The following SLCO2B1 variants were observed in gnomAD, a reference collection of about 807,000 sequenced individuals.
SLCO2B1 encodes the protein solute carrier organic anion transporter family member 2B1, also known as OATP-RP2.
In SLCO2B1, 41 loss-of-function variants were observed where a neutral mutation model predicts 67.3. The observed-to-expected ratio is 0.61, with a 90% CI of 0.47 to 0.79. The LOEUF (loss-of-function observed/expected upper bound fraction) is 0.79. Ranked by LOEUF, SLCO2B1 falls within the 30% of genes least tolerant of loss-of-function variation. SLCO2B1 has a pLI of 0.00. For missense variants in SLCO2B1, 837 were observed against 920.1 expected (o/e 0.91, Z 1.17); for synonymous variants, 379 against 381.4 (o/e 0.99, Z 0.07).
chr11:75,190,184 G>A (rs1006854546), intron 8 of SLCO2B1, among the ~76,000 whole-genome samples: 2 of 152,204 alleles, frequency 1.3e-5, no homozygotes, highest in Non-Finnish European at 2.9e-5. Context: ...CTTCTGCCCG[G>A]AGGGAAGCTT....
At chr11:75,201,543 A>G (rs1299715665) in intron 11 of SLCO2B1, 1 of 152,130 alleles carries the variant, frequency 6.6e-6, no homozygotes, top group Non-Finnish European at 1.5e-5. Flanking sequence ...TCCACTTCCC[A>G]TGCCAACCAC....
At chr11:75,168,868 G>T (rs1037034872) in intron 4 of SLCO2B1, among the ~76,000 whole-genome samples, 1 of 152,166 alleles carries the variant, frequency 6.6e-6, no homozygotes, top group East Asian at 1.9e-4. Flanking sequence ...CCACCCAGGG[G>T]CCACCGTTGC....
In SLCO2B1 at chr11:75,172,490, C is replaced by G; in HGVS notation, c.893C>G (p.Pro298Arg). Residue 298 changes from proline (P) to arginine (R), a missense_variant, in exon 7 of 14, where the codon CCC becomes CGC. Physicochemically the swap from Pro to Arg is moderately radical, Grantham distance 103. Coordinates refer to ENST00000289575, the MANE Select transcript of SLCO2B1 (RefSeq NM_007256.5). ...ALAAIPYFFF[P>R]KEMPKEKREL... ...GCTGCCATCCCCTACTTCTTCTTCC[C>G]CAAGGAAATGCCCAAGGAAAAACGT... The G allele has an allele frequency of 6.2e-7, 1 of 1,614,160 alleles. No individual in the cohort carries two copies. Among genetic ancestry groups the G allele is most frequent in the Non-Finnish European group, 8.5e-7 (1 of 1,180,020 alleles).
At chr11:75,164,196 TC>T in intron 3 of SLCO2B1, 96 bp downstream of exon 3, 1 of 1,349,018 alleles carries the variant, frequency 7.4e-7, no homozygotes, top group Non-Finnish European at 1.0e-6. Flanking sequence ...CTTAAGGCCT[TC>T]CCCTCCCAGT....
chr11:75,197,999 A>T (rs1945126226), intron 10 of SLCO2B1, among the ~76,000 whole-genome samples: 1 of 152,144 alleles, frequency 6.6e-6, no homozygotes, highest in Non-Finnish European at 1.5e-5. Flanking sequence ...GGTGGTTATG[A>T]CAACATCTCC....
chr11:75,169,521 C>A, intron 5 of SLCO2B1, 115 bp downstream of exon 5: 1 of 1,207,220 alleles, frequency 8.3e-7, no homozygotes, highest in Non-Finnish European at 1.2e-6. Context: ...CCCATCTGGC[C>A]AGTAAAGGTC....
At chr11:75,170,828 C>T (rs1222228620) in intron 6 of SLCO2B1, among the ~76,000 whole-genome samples, 1 of 152,138 alleles carries the variant, frequency 6.6e-6, no homozygotes, top group African/African-American at 2.4e-5. Context: ...CCTAGATTTC[C>T]CTGACACACC....
chr11:75,186,967 A>G (rs1944945757), intron 7 of SLCO2B1, among the ~76,000 whole-genome samples: 1 of 152,184 alleles, frequency 6.6e-6, no homozygotes, highest in Non-Finnish European at 1.5e-5. Flanking sequence ...TCCTAGCTGG[A>G]CCACTTATTA....
chr11:75,191,935 G>C (rs1472817045), intron 8 of SLCO2B1, among the ~76,000 whole-genome samples: 1 of 152,222 alleles, frequency 6.6e-6, no homozygotes, highest in East Asian at 1.9e-4. Flanking sequence ...TGGTTTAGCA[G>C]ACTTGCAGTG....
chr11:75,153,234 C>T (rs998959996), intron 1 of SLCO2B1, among the ~76,000 whole-genome samples: 2 of 152,188 alleles, frequency 1.3e-5, no homozygotes, highest in Non-Finnish European at 2.9e-5. Context: ...TAACCTCTCC[C>T]ATATGCTGTT....
intron 13 of SLCO2B1, chr11:75,203,645 G>A: frequency 1.8e-6 from 1 of 565,988 alleles, no homozygotes; most frequent in East Asian, 3.1e-5. Flanking sequence ...GTAGCCCAAG[G>A]TCACACAGCT....
intron 10 of SLCO2B1, among the ~76,000 whole-genome samples, chr11:75,198,350 A>G (rs1191727274): frequency 6.6e-6 from 1 of 152,280 alleles, no homozygotes; most frequent in Admixed American, 6.5e-5. Context: ...TGCCTACTAC[A>G]GAGCAGGAAT....
chr11:75,171,394 C>T (rs1224973228), intron 6 of SLCO2B1, among the ~76,000 whole-genome samples: 1 of 152,164 alleles, frequency 6.6e-6, no homozygotes, highest in African/African-American at 2.4e-5. Flanking sequence ...GTAGCTGAGA[C>T]TGCAGGTGTG....
intron 11 of SLCO2B1, chr11:75,201,356 A>G (rs771466682): frequency 5.3e-5 from 8 of 152,150 alleles, no homozygotes; most frequent in Non-Finnish European, 7.3e-5. Flanking sequence ...CTCACTCAAC[A>G]ATCAACACAG....
At chr11:75,166,427 C>G (rs540766693) in intron 4 of SLCO2B1, among the ~76,000 whole-genome samples, 2 of 152,264 alleles carry the variant, frequency 1.3e-5, no homozygotes, top group African/African-American at 4.8e-5. Flanking sequence ...TGAAAGAATT[C>G]TGGACAGGAA....
intron 7 of SLCO2B1, among the ~76,000 whole-genome samples, chr11:75,177,952 G>C (rs1418298070): frequency 6.6e-6 from 1 of 151,962 alleles, no homozygotes; most frequent in African/African-American, 2.4e-5. Flanking sequence ...AAATTAGCTG[G>C]GCATGATGGT....
chr11:75,186,934 G>C lies in SLCO2B1; in HGVS notation c.973-1202G>C, dbSNP rs563988307. Among the ~76,000 whole-genome samples the C allele has an allele frequency of 1.8e-3, 275 of 152,290 alleles. 2 individuals are homozygous for C. The highest frequency in any genetic ancestry group is 6.3e-3 in the African/African-American group (263 of 41,562). On this transcript the variant is annotated intron_variant, in intron 7 of 13. Coordinates refer to ENST00000289575, the MANE Select transcript of SLCO2B1 (RefSeq NM_007256.5). ...GTACCAGTGAAGTGCTCAGGCTCTGGAGCCAAGCCGTCTGGATTCAAATCC... is the reference window on the plus strand; with the variant it reads ...GTACCAGTGAAGTGCTCAGGCTCTGCAGCCAAGCCGTCTGGATTCAAATCC...
chr11:75,162,719 C>T lies in SLCO2B1; in HGVS notation c.81C>T (p.Asn27=), dbSNP rs1470418572. The change falls in exon 2 of 14, where the codon AAC becomes AAT. Residue 27 remains asparagine, a synonymous_variant. Transcript: ENST00000289575. The part of the protein sequence containing the change: ...KETKATMGTE[N]TPGGKASPDP... Reference sequence around the variant, plus strand: ...CCAAAGCCACAATGGGCACAGAAAACACACCTGGAGGCAAAGCCAGCCCAG... The same window carrying T: ...CCAAAGCCACAATGGGCACAGAAAATACACCTGGAGGCAAAGCCAGCCCAG... 1 of 1,601,470 alleles carries T rather than the reference C, an allele frequency of 6.2e-7. No homozygotes were observed. Among genetic ancestry groups the T allele is most frequent in the Non-Finnish European group, 8.5e-7 (1 of 1,172,494 alleles).
chr11:75,158,316 C>G (rs796674288), intron 1 of SLCO2B1, among the ~76,000 whole-genome samples: 9 of 152,276 alleles, frequency 5.9e-5, no homozygotes, highest in African/African-American at 2.2e-4. Flanking sequence ...ATCATCTAGC[C>G]TAAAATGTCA....
Sources: gnomAD v4.1 joint callset for allele counts (sites outside exome capture counted in the v4.1 genomes callset) on GRCh38, gnomAD v4.1.1 for gene constraint, MANE v1.5 for transcripts, NCBI Gene and HGNC (gene_info 2026-07-23, HGNC 2026-07-21) for gene names.